Variants in PAX5 observed in about 807,000 individuals in gnomAD.
PAX5 encodes paired box 5.
PAX5 carries 9 observed loss-of-function variants against 43.7 expected under a neutral mutation model. The ratio of observed to expected loss-of-function variants is 0.21; its 90% CI spans 0.12 to 0.36. The LOEUF (loss-of-function observed/expected upper bound fraction) is 0.36. Among genes scored for constraint, PAX5 ranks in the 10% least tolerant of loss-of-function variants. PAX5 has a pLI of 1.00. For synonymous variants in PAX5, 228 were observed against 214.3 expected (o/e 1.06, Z -0.56); for missense variants, 383 against 532.7 (o/e 0.72, Z 2.77).
intron 4 of PAX5, among the ~76,000 whole-genome samples, chr9:37,004,981 A>T (rs1564067629): frequency 6.6e-6 from 1 of 152,258 alleles, no homozygotes; most frequent in African/African-American, 2.4e-5. Context: ...GTTTAATTTA[A>T]AAATTTCTGG....
At chr9:36,926,958 G>C (rs1172205782) in intron 6 of PAX5, among the ~76,000 whole-genome samples, 2 of 152,168 alleles carry the variant, frequency 1.3e-5, no homozygotes, top group African/African-American at 4.8e-5. Context: ...GGTGCAGGCT[G>C]TATTTAACCT....
chr9:36,973,694 C>G (rs1835172918), intron 5 of PAX5, among the ~76,000 whole-genome samples: 1 of 151,902 alleles, frequency 6.6e-6, no homozygotes, highest in Non-Finnish European at 1.5e-5. Flanking sequence ...TGGCGAGACC[C>G]CCATCTCTAC....
chr9:36,944,697 A>C (rs1263277531), intron 6 of PAX5, among the ~76,000 whole-genome samples: 2 of 152,246 alleles, frequency 1.3e-5, no homozygotes. Context: ...AATGCGCTTC[A>C]GATCCAGGGG....
chr9:36,849,792 C>T (rs1055444325), intron 8 of PAX5, among the ~76,000 whole-genome samples: 1 of 152,222 alleles, frequency 6.6e-6, no homozygotes, highest in Non-Finnish European at 1.5e-5. Flanking sequence ...AACATGGGGC[C>T]CCTGCCCTAT....
At chr9:36,929,498 C>T (rs1830955250) in intron 6 of PAX5, among the ~76,000 whole-genome samples, 1 of 152,180 alleles carries the variant, frequency 6.6e-6, no homozygotes. Flanking sequence ...CCCCGCCAAC[C>T]CCAGCCCCTA....
At chr9:36,994,123 G>GC (rs1381380478) in intron 5 of PAX5, among the ~76,000 whole-genome samples, 1 of 152,166 alleles carries the variant, frequency 6.6e-6, no homozygotes, top group Non-Finnish European at 1.5e-5. Flanking sequence ...CTAGGGAAAG[G>GC]CCCCAGGAGC....
intron 3 of PAX5, among the ~76,000 whole-genome samples, chr9:37,013,518 T>C (rs775895537): frequency 3.9e-5 from 6 of 152,266 alleles, no homozygotes; most frequent in Non-Finnish European, 7.4e-5. Flanking sequence ...TGTCATGTTG[T>C]TTTGTGTCGT....
chr9:36,925,130 G>T, intron 6 of PAX5, among the ~76,000 whole-genome samples: 1 of 152,120 alleles, frequency 6.6e-6, no homozygotes, highest in East Asian at 1.9e-4. Context: ...CACATTCCTG[G>T]TGTCTTTCCC....
At chr9:36,973,105 G>GAAAGGAAAGGAAAGGAAAGGAAAGA (rs1835085173) in intron 5 of PAX5, among the ~76,000 whole-genome samples, 10 of 85,220 alleles carry the variant, frequency 1.2e-4, no homozygotes, top group African/African-American at 2.1e-4. Flanking sequence ...GAAAGGAAAG[G>GAAAGGAAAGGAAAGGAAAGGAAAGA]AAAGGAAAGG....
chr9:36,932,269 A>T (rs1831198530), intron 6 of PAX5, among the ~76,000 whole-genome samples: 2 of 152,356 alleles, frequency 1.3e-5, no homozygotes, highest in South Asian at 4.1e-4. Context: ...TCTCAAAAAA[A>T]TAATAAAAGA....
chr9:36,994,167 G>GC (rs1837192656), intron 5 of PAX5, among the ~76,000 whole-genome samples: 1 of 152,154 alleles, frequency 6.6e-6, no homozygotes, highest in South Asian at 2.1e-4. Context: ...CAGATGCCCT[G>GC]CGTTACCACA....
chr9:36,844,035 T>A (rs191800427), intron 9 of PAX5, among the ~76,000 whole-genome samples: 2 of 152,348 alleles, frequency 1.3e-5, no homozygotes, highest in Admixed American at 6.5e-5. Flanking sequence ...GAGTCCCAAA[T>A]ATCCCTTAAT....
intron 8 of PAX5, 76 bp downstream of exon 8, chr9:36,881,928 C>A (rs940685514): frequency 9.5e-7 from 1 of 1,055,996 alleles, no homozygotes; most frequent in South Asian, 1.3e-5. Flanking sequence ...GTCACCCAGG[C>A]TGTTTGGGGG....
intron 6 of PAX5, among the ~76,000 whole-genome samples, chr9:36,960,513 T>A (rs1429146629): frequency 6.6e-6 from 1 of 152,094 alleles, no homozygotes; most frequent in African/African-American, 2.4e-5. Flanking sequence ...TGGGTTTCAA[T>A]GGTGGGAAAC....
At chr9:36,934,513 G>T (rs980383335) in intron 6 of PAX5, among the ~76,000 whole-genome samples, 1 of 152,186 alleles carries the variant, frequency 6.6e-6, no homozygotes, top group Admixed American at 6.5e-5. Flanking sequence ...GGAGTCCTCG[G>T]TATTATTTCT....
At chr9:36,892,713 G>A (rs866636804) in intron 7 of PAX5, among the ~76,000 whole-genome samples, 51 of 152,240 alleles carry the variant, frequency 3.3e-4, no homozygotes, top group African/African-American at 1.1e-3. Flanking sequence ...AAGGAAGGAA[G>A]GCAGCAATCC....
chr9:36,887,022 C>G (rs995828665), intron 7 of PAX5, among the ~76,000 whole-genome samples: 1 of 152,108 alleles, frequency 6.6e-6, no homozygotes, highest in Admixed American at 6.5e-5. Flanking sequence ...AGGGATCTGC[C>G]CCTGTTGTAT....
intron 8 of PAX5, among the ~76,000 whole-genome samples, chr9:36,852,880 T>C (rs148008695): frequency 2.8e-3 from 425 of 152,282 alleles, no homozygotes; most frequent in African/African-American, 9.4e-3. Context: ...CTGGCCTATA[T>C]TCCCAGACCC....
In PAX5 at chr9:36,969,768, C is replaced by T. The variant is rs186525953; in HGVS notation, c.605-3044G>A. Among the ~76,000 whole-genome samples the T allele has an allele frequency of 3.6e-3, 551 of 152,270 alleles. 7 individuals are homozygous for T. Among genetic ancestry groups the T allele is most frequent in the African/African-American group, 0.013 (522 of 41,492 alleles). ...GAGGCCGAGGTGGGTGGACTGCCCT[C>T]GAAGGGCTGCGAGCTGGGCAGAGCC... is the stretch of plus-strand genomic sequence containing the variant. On this transcript the variant is annotated intron_variant, in intron 5 of 9. Transcript: ENST00000358127.
Sources: gnomAD v4.1 joint callset for allele counts (sites outside exome capture counted in the v4.1 genomes callset) on GRCh38, gnomAD v4.1.1 for gene constraint, MANE v1.5 for transcripts, NCBI Gene and HGNC (gene_info 2026-07-23, HGNC 2026-07-21) for gene names.